Variants in MAG observed in about 807,000 individuals in gnomAD.
The protein encoded by MAG is myelin-associated glycoprotein.
A neutral mutation model predicts 60.7 loss-of-function variants in MAG; 30 were observed. The ratio of observed to expected loss-of-function variants is 0.49; its 90% CI spans 0.37 to 0.67. The LOEUF is 0.67. MAG is among the 30% of genes least tolerant of loss of function. The probability of loss-of-function intolerance (pLI) is 0.00; values close to 1 mark genes in which losing one functional copy is unlikely to be tolerated. For missense variants in MAG, 795 were observed against 851.7 expected, an observed-to-expected ratio of 0.93 and a Z score of 0.83; for synonymous variants, 384 against 376.8, an observed-to-expected ratio of 1.02 and a Z score of -0.22.
rs766240057 is a variant in MAG, at chr19:35,309,914, C to G, written c.1272C>G (p.Ala424=). 1.2e-6 allele frequency: 2 copies of G among 1,613,624 alleles called. No homozygotes were observed. Among genetic ancestry groups the G allele is most frequent in the African/African-American group, 1.3e-5 (1 of 75,062 alleles). The change falls in exon 8 of 11, where the codon GCC becomes GCG. Residue 424 remains alanine (A), a synonymous_variant. Coordinates refer to ENST00000392213, the MANE Select transcript of MAG (RefSeq NM_002361.4). Reference sequence around the variant, plus strand: ...TCCTGGAGTCCCACTGCGCGGCAGCCCGAGACACGGTGCAGTGCCTGTGCG... The same window carrying G: ...TCCTGGAGTCCCACTGCGCGGCAGCGCGAGACACGGTGCAGTGCCTGTGCG... The part of the protein sequence containing the change: ...VLLLESHCAA[A]RDTVQCLCVV...
At chr19:35,303,139 G>A (rs1046726179) in intron 7 of MAG, among the ~76,000 whole-genome samples, 1 of 152,276 alleles carries the variant, frequency 6.6e-6, no homozygotes, top group Non-Finnish European at 1.5e-5. Flanking sequence ...GGCCTGGCTT[G>A]TCTCAAACCC....
intron 10 of MAG, 50 bp downstream of exon 10, chr19:35,312,067 T>TGAAGGCCTGGG: frequency 6.4e-7 from 1 of 1,554,578 alleles, no homozygotes; most frequent in Non-Finnish European, 8.9e-7. Flanking sequence ...CCAGGGACAC[T>TGAAGGCCTGGG]GAAGGCCTGG....
At chr19:35,309,746 G>A in intron 7 of MAG, 128 bp from the exon 8 acceptor site, 1 of 948,314 alleles carries the variant, frequency 1.1e-6, no homozygotes, top group Non-Finnish European at 1.6e-6. Context: ...AGGGGAAATT[G>A]GAGGGCCCTA....
intron 4 of MAG, among the ~76,000 whole-genome samples, chr19:35,297,491 ACAC>A (rs773636644): frequency 6.8e-5 from 10 of 146,142 alleles, no homozygotes; most frequent in Admixed American, 4.8e-4. Context: ...CACTACCCAC[ACAC>A]CACACCAAAC....
At chr19:35,292,662 T>TGC (rs1040446822) in intron 1 of MAG, among the ~76,000 whole-genome samples, 5 of 151,602 alleles carry the variant, frequency 3.3e-5, no homozygotes, top group African/African-American at 1.2e-4. Flanking sequence ...TGTGTGTGTG[T>TGC]GTGCGTGTGC....
At position 35,310,013 on chromosome 19, in the gene MAG, G is replaced by A. The variant is rs749721770; in HGVS notation, c.1371G>A (p.Glu457=). The A allele has an allele frequency of 6.2e-7, 1 of 1,614,022 alleles. No individual in the cohort carries two copies. The highest frequency in any genetic ancestry group is 1.7e-5 in the Admixed American group (1 of 60,036). ...PSRNVTVNES[E]REFVYSERSG... is the part of the protein sequence containing the mutation. ...GCAATGTGACCGTGAACGAGAGCGA[G>A]CGGGAGTTCGTGTACTCGGAGCGCA... Residue 457 remains glutamate, a synonymous_variant, in exon 8 of 11, where the codon GAG becomes GAA. Coordinates refer to ENST00000392213, the MANE Select transcript of MAG (RefSeq NM_002361.4).
rs750061140 is a variant in MAG, at chr19:35,310,675, G to T, written c.1616+32G>T. On this transcript the variant is annotated intron_variant, in intron 9 of 10. Coordinates refer to ENST00000392213, the MANE Select transcript of MAG (RefSeq NM_002361.4). ...GCCAGCTGGGGCTGATCTGGGGATG[G>T]GAGTCTCCAAAAAGGGGACCTGGTG... is the stretch of plus-strand genomic sequence containing the variant. 1.6e-5 allele frequency: 26 copies of T among 1,602,030 alleles called. 1 individual carries two copies. In the South Asian group the frequency reaches 2.8e-4, roughly 17 times the overall value.
chr19:35,309,953 CCCGGAGCCGT>C lies in MAG; in HGVS notation c.1315_1324del (p.Glu439TrpfsTer10). On this transcript the variant is annotated frameshift_variant, in exon 8 of 11. Transcript: ENST00000392213. LOFTEE classifies it high-confidence loss of function. ...AGTGCCTGTGCGTGGTGAAGTCCAACCCGGAGCCGTCCGTGGCCTTTGAGCTGCCATCGCG... is the reference window on the plus strand; with the variant it reads ...AGTGCCTGTGCGTGGTGAAGTCCAACCCGTGGCCTTTGAGCTGCCATCGCG... 6.2e-7 allele frequency: 1 copy of C among 1,614,054 alleles called. No homozygotes were observed.
chr19:35,304,199 T>A lies in MAG; in HGVS notation c.1231+1491T>A, dbSNP rs553749255. On this transcript the variant is annotated intron_variant, in intron 7 of 10. Coordinates refer to ENST00000392213, the MANE Select transcript of MAG (RefSeq NM_002361.4). ...AATCTTCAGGCACTTTCCCTCCTGG[T>A]TCTGTTCCCTAGCGGGGCTGATGTG... Among the ~76,000 whole-genome samples, 6 of 152,244 alleles carry A rather than the reference T, an allele frequency of 3.9e-5. No homozygotes were observed. The South Asian group carries it at 1.2e-3, about 32-fold the overall frequency.
rs2066387496 is a variant in MAG at position 35,295,331 on chromosome 19, T to C, written c.-23-55T>C. On this transcript the variant is annotated intron_variant, in intron 2 of 10. Transcript: ENST00000392213. The surrounding 1 kb of genome is among the most constrained non-coding windows in gnomAD (Gnocchi z 5.8). The stretch of plus-strand genomic sequence containing the variant: ...AATGGGCCCCTTCCTGAAGCCCAGA[T>C]GGAACACCCCCTTTCACTTCCCCCA... 2.0e-6 allele frequency: 3 copies of C among 1,482,656 alleles called. No homozygotes were observed. Among genetic ancestry groups the C allele is most frequent in the Non-Finnish European group, 2.8e-6 (3 of 1,072,052 alleles). 91.8% of individuals were successfully genotyped at this position (1,482,656 alleles called of 1,614,324 possible).
Position 35,299,488 on chromosome 19 carries a change from T to C in MAG, c.416-66T>C, listed in dbSNP as rs537812224. The stretch of plus-strand genomic sequence containing the variant: ...GGAGGTGGACAAGGAGGAGGGTGGG[T>C]GGGGTGGGACCGGGACCGTAGCCCA... On this transcript the variant is annotated intron_variant, in intron 4 of 10. Transcript: ENST00000392213. The C allele has an allele frequency of 2.4e-3, 2,122 of 895,610 alleles. 22 individuals carry two copies. The highest frequency in any genetic ancestry group is 0.017 in the Middle Eastern group (49 of 2,824). The allele number at this position is 895,610 out of a possible 1,614,324, so 55.5% of individuals were successfully genotyped here. A position where few individuals can be genotyped will look rare whatever the true frequency, so the allele number is the denominator to read the frequency against.
In MAG at chr19:35,295,869, C is replaced by G. The variant is rs753560126; in HGVS notation, c.303C>G (p.Thr101=). 1.2e-6 allele frequency: 2 copies of G among 1,614,114 alleles called. No individual in the cohort carries two copies. Among genetic ancestry groups the G allele is most frequent in the South Asian group, 1.1e-5 (1 of 91,082 alleles). Residue 101 remains threonine, a synonymous_variant, in exon 4 of 11, where the codon ACC becomes ACG. Coordinates refer to ENST00000392213, the MANE Select transcript of MAG (RefSeq NM_002361.4). The surrounding 1 kb of genome is among the most constrained non-coding windows in gnomAD (Gnocchi z 5.8). The part of the protein sequence containing the change: ...LLGDLGLRNC[T]LLLSNVSPEL... ...GGGACCTGGGCCTGCGAAACTGCAC[C>G]CTCCTGCTCAGCAACGTCAGCCCCG...
chr19:35,297,291 CCACACACCACACACACACCACACCAAACA>C (rs2066406205), intron 4 of MAG, among the ~76,000 whole-genome samples: 1 of 135,362 alleles, frequency 7.4e-6, no homozygotes, highest in African/African-American at 2.8e-5. Flanking sequence ...CACACACTAC[CCACACACCACACACACACCACACCAAACA>C]CACACACCAC....
At position 35,295,351 on chromosome 19, in the gene MAG, C is replaced by T. The variant is rs780071878; in HGVS notation, c.-23-35C>T. On this transcript the variant is annotated intron_variant, in intron 2 of 10. Coordinates refer to ENST00000392213, the MANE Select transcript of MAG (RefSeq NM_002361.4). The surrounding 1 kb of genome is among the most constrained non-coding windows in gnomAD (Gnocchi z 5.8). ...CCAGATGGAACACCCCCTTTCACTT[C>T]CCCCAGCCTTTAACCCTCTCCTCTC... 4.4e-5 allele frequency: 70 copies of T among 1,593,372 alleles called. No homozygotes were observed. In the Admixed American group the frequency reaches 9.9e-4, roughly 23 times the overall value.
intron 7 of MAG, among the ~76,000 whole-genome samples, chr19:35,308,060 G>T (rs1047710291): frequency 6.6e-6 from 1 of 152,188 alleles, no homozygotes; most frequent in Non-Finnish European, 1.5e-5. Flanking sequence ...GAGTGGAGAA[G>T]GAGCAAGCCC....
chr19:35,308,395 T>A (rs551816913), intron 7 of MAG, among the ~76,000 whole-genome samples: 1 of 151,266 alleles, frequency 6.6e-6, no homozygotes, highest in Admixed American at 6.6e-5. Context: ...AAGGAGAGAG[T>A]GTGTGGTCAG....
In MAG at chr19:35,295,478, A is replaced by C. The variant is rs376175813; in HGVS notation, c.46+24A>C. On this transcript the variant is annotated intron_variant, in intron 3 of 10. Transcript: ENST00000392213. The surrounding 1 kb of genome is among the most constrained non-coding windows in gnomAD (Gnocchi z 5.8). ...AGGTAACGGCTGACAGGTGCTGGGG[A>C]CCTAAAGGCTTTGGCCCCTGAGCAG... is the stretch of plus-strand genomic sequence containing the variant. 6.1e-5 allele frequency: 99 copies of C among 1,613,554 alleles called. No homozygotes were observed. The highest frequency in any genetic ancestry group is 6.8e-6 in the Non-Finnish European group (8 of 1,179,912).
chr19:35,300,012 A>T, intron 5 of MAG, 135 bp from the exon 6 acceptor site: 1 of 1,275,232 alleles, frequency 7.8e-7, no homozygotes, highest in Non-Finnish European at 1.0e-6. Flanking sequence ...ACGGGGGCGG[A>T]ACCAGGCAGT....
chr19:35,302,423 C>A, intron 6 of MAG, 25 bp from the exon 7 acceptor site: 1 of 1,610,820 alleles, frequency 6.2e-7, no homozygotes, highest in Non-Finnish European at 8.5e-7. Context: ...TGGGTTCTGA[C>A]CATCAGTCCC....
Sources: allele counts gnomAD v4.1 joint callset (sites outside exome capture counted in the v4.1 genomes callset), GRCh38; gene constraint gnomAD v4.1.1; non-coding constraint Gnocchi (gnomAD v3.1); transcripts MANE v1.5; gene names NCBI Gene and HGNC (gene_info 2026-07-23, HGNC 2026-07-21).